TUT1: variants seen among roughly 807,000 people sequenced by gnomAD.
The protein encoded by TUT1 is speckle targeted PIP5K1A-regulated poly(A) polymerase.
Under a neutral mutation model 48.8 loss-of-function variants are expected in TUT1, and 26 were observed. The ratio of observed to expected loss-of-function variants is 0.53; its 90% CI spans 0.39 to 0.74. TUT1 has a LOEUF of 0.74. Ranked by LOEUF, TUT1 falls within the 30% of genes least tolerant of loss-of-function variation. The pLI is 0.00. For synonymous variants in TUT1, 470 were observed against 460.8 expected, an observed-to-expected ratio of 1.02 and a Z score of -0.26; for missense variants, 1,065 against 1,114.8, an observed-to-expected ratio of 0.96 and a Z score of 0.64.
At position 62,591,460 on chromosome 11, in the gene TUT1, T is replaced by C. The variant is rs1317230281; in HGVS notation, c.26A>G (p.Glu9Gly). The C allele has an allele frequency of 1.9e-6, 3 of 1,611,600 alleles. No homozygotes were observed. Among genetic ancestry groups the C allele is most frequent in the African/African-American group, 2.7e-5 (2 of 74,982 alleles). ...GCGGAACCCCCCACGCGGCAGCGAT[T>C]CGACATCCGAATCCACCGCCGCCAT... MAAVDSDVESLPRGGFRCC... is the reference protein window; with the variant it reads MAAVDSDVGSLPRGGFRCC... Residue 9 changes from glutamate (E) to glycine (G), a missense_variant, in exon 1 of 9, where the codon GAA (glutamate) becomes GGA (glycine). Coordinates refer to ENST00000476907, the MANE Select transcript of TUT1 (RefSeq NM_022830.3).
chr11:62,586,327 T>G (rs1050956910), intron 2 of TUT1, among the ~76,000 whole-genome samples: 9 of 152,170 alleles, frequency 5.9e-5, no homozygotes, highest in Admixed American at 3.9e-4. Context: ...CTCAAAGAGG[T>G]TAAGTAACTT....
At chr11:62,589,623 A>T (rs1590725196) in intron 1 of TUT1, among the ~76,000 whole-genome samples, 1 of 152,158 alleles carries the variant, frequency 6.6e-6, no homozygotes, top group African/African-American at 2.4e-5. Context: ...GCTACACTAC[A>T]AGTATTTTGT....
At position 62,575,338 on chromosome 11, in the gene TUT1, C is replaced by G; in HGVS notation, c.2381G>C (p.Gly794Ala). ...CCCTGCTCTTGTGCCAGCGCCACCTCCAGCTCCCTCCTTGGTTTGCTGCTG... is the reference window on the plus strand; with the variant it reads ...CCCTGCTCTTGTGCCAGCGCCACCTGCAGCTCCCTCCTTGGTTTGCTGCTG... ...RLQQQTKEGA[G>A]GGAGTRAGWL... The change falls in exon 9 of 9, where the codon GGA becomes GCA. Residue 794 changes from glycine to alanine, a missense_variant. Gly to Ala is a moderately conservative substitution (Grantham distance 60, BLOSUM62 0). Coordinates refer to ENST00000476907, the MANE Select transcript of TUT1 (RefSeq NM_022830.3). 5 of 1,614,114 alleles carry G rather than the reference C, an allele frequency of 3.1e-6. No homozygotes were observed. Among genetic ancestry groups the G allele is most frequent in the Middle Eastern group, 3.3e-4 (2 of 6,062 alleles).
chr11:62,591,380 G>C, intron 1 of TUT1, 24 bp downstream of exon 1: 5 of 1,533,182 alleles, frequency 3.3e-6, no homozygotes, highest in Non-Finnish European at 4.4e-6. Context: ...ACCACCCCCG[G>C]GTCCCTCACT....
At position 62,575,376 on chromosome 11, in the gene TUT1, G is replaced by A. The variant is rs1941702537; in HGVS notation, c.2343C>T (p.Ala781=). The A allele has an allele frequency of 6.2e-7, 1 of 1,613,226 alleles. No individual in the cohort carries two copies. Among genetic ancestry groups the A allele is most frequent in the Non-Finnish European group, 8.5e-7 (1 of 1,180,014 alleles). The part of the protein sequence containing the change: ...WHRVWQGRRR[A]RRRLQQQTKE... ...TGGTTTGCTGCTGCAAGCGTCTACG[G>A]GCTCGCCGCCGCCCTTGCCACACTC... Residue 781 remains alanine (A), a synonymous_variant, in exon 9 of 9, where the codon GCC becomes GCT. Transcript: ENST00000476907.
In TUT1 at chr11:62,577,306, G is replaced by T; in HGVS notation, c.1161-15C>A. On this transcript the variant is annotated splice_polypyrimidine_tract_variant and intron_variant, in intron 5 of 8. Transcript: ENST00000476907. ...GCAGGGCCAGCCTGGGACAAAGCAG[G>T]GACAAGGGTGTTAGCGCTTGGGGAT... The T allele has an allele frequency of 6.2e-7, 1 of 1,604,882 alleles. No homozygotes were observed. Among genetic ancestry groups the T allele is most frequent in the South Asian group, 1.1e-5 (1 of 90,318 alleles).
intron 3 of TUT1, 79 bp from the exon 4 acceptor site, chr11:62,581,285 G>C: frequency 6.4e-7 from 1 of 1,568,016 alleles, no homozygotes. Context: ...CACAAAGATG[G>C]AAGAGCAACC....
In TUT1 at chr11:62,578,917, A is replaced by C; in HGVS notation, c.804T>G (p.Ala268=). Residue 268 remains alanine, a synonymous_variant, in exon 5 of 9, where the codon GCT becomes GCG. Transcript: ENST00000476907. The part of the protein sequence containing the change: ...PASPPDSQPP[A]SPQDSEALDF... Reference sequence around the variant, plus strand: ...CCAGGGCTTCAGAATCCTGGGGAGAAGCAGGAGGTTGTGAATCTGGAGGGG... The same window carrying C: ...CCAGGGCTTCAGAATCCTGGGGAGACGCAGGAGGTTGTGAATCTGGAGGGG... The C allele has an allele frequency of 6.3e-7, 1 of 1,577,686 alleles. No homozygotes were observed.
intron 2 of TUT1, among the ~76,000 whole-genome samples, chr11:62,583,128 C>CAAA (rs777695327): frequency 2.4e-4 from 14 of 58,534 alleles, no homozygotes; most frequent in Non-Finnish European, 1.2e-4. Context: ...ACTCTGTCTC[C>CAAA]AAAAAAAAAA....
chr11:62,578,873 G>C lies in TUT1; in HGVS notation c.848C>G (p.Ser283Cys). The C allele has an allele frequency of 1.9e-6, 3 of 1,610,750 alleles. No individual in the cohort carries two copies. Among genetic ancestry groups the C allele is most frequent in the Non-Finnish European group, 2.5e-6 (3 of 1,178,174 alleles). ...SEALDFETPS[S>C]SLAPQTPDSA... ...GTCCGGAGTTTGGGGCGCCAGGGAG[G>C]AGGAAGGGGTTTCAAAGTCCAGGGC... Residue 283 changes from serine to cysteine, a missense_variant, in exon 5 of 9, where the codon TCC becomes TGC. Coordinates refer to ENST00000476907, the MANE Select transcript of TUT1 (RefSeq NM_022830.3).
Position 62,575,852 on chromosome 11 carries a change from G to A in TUT1, c.1867C>T (p.Leu623=), listed in dbSNP as rs1172834910. Residue 623 remains leucine (L), a synonymous_variant, in exon 9 of 9, where the codon CTG becomes TTG. Transcript: ENST00000476907. ...AGTGCTTCCCTGAATACCTGCACCA[G>A]GGCAGCAGTGAGCTGGGTGAAGGGT... ...LAPFTQLTAA[L]VQVFREALGC... is the part of the protein sequence containing the mutation. The A allele has an allele frequency of 6.2e-7, 1 of 1,614,122 alleles. No homozygotes were observed. The highest frequency in any genetic ancestry group is 8.5e-7 in the Non-Finnish European group (1 of 1,180,058).
rs556707881 is a variant in TUT1 at position 62,589,058 on chromosome 11, C to T, written c.246G>A (p.Val82=). 4 of 1,613,920 alleles carry T rather than the reference C, an allele frequency of 2.5e-6. No homozygotes were observed. Among genetic ancestry groups the T allele is most frequent in the East Asian group, 4.5e-5 (2 of 44,884 alleles). ...TGTCCTTGTCCATGACAACACTGGCCACAGGTCCAAATGCTAGGAAGTACT... is the reference window on the plus strand; with the variant it reads ...TGTCCTTGTCCATGACAACACTGGCTACAGGTCCAAATGCTAGGAAGTACT... The part of the protein sequence containing the change: ...LSEYFLAFGP[V]ASVVMDKDKG... Residue 82 remains valine, a synonymous_variant, in exon 2 of 9, where the codon GTG becomes GTA. Transcript: ENST00000476907.
intron 2 of TUT1, chr11:62,582,375 G>A (rs999892516): frequency 4.4e-5 from 10 of 228,666 alleles, no homozygotes; most frequent in Non-Finnish European, 7.3e-5. Context: ...AGCCGAGATC[G>A]CACCACTGCA....
intron 2 of TUT1, chr11:62,582,607 A>T: frequency 2.2e-6 from 1 of 455,872 alleles, no homozygotes; most frequent in Non-Finnish European, 4.4e-6. Context: ...CTCAAAAAAA[A>T]GTAGAAAAAC....
At chr11:62,580,343 C>T (rs1167109202) in intron 4 of TUT1, among the ~76,000 whole-genome samples, 3 of 151,406 alleles carry the variant, frequency 2.0e-5, no homozygotes, top group Admixed American at 6.6e-5. Flanking sequence ...GCCTGTATTC[C>T]GAGCTACTTG....
intron 3 of TUT1, 24 bp from the exon 4 acceptor site, chr11:62,581,230 G>C: frequency 6.2e-7 from 1 of 1,610,326 alleles, no homozygotes; most frequent in Non-Finnish European, 8.5e-7. Context: ...AGAGAAGAAA[G>C]GTCAAGAGAA....
At position 62,576,755 on chromosome 11, in the gene TUT1, A is replaced by G. The variant is rs1015064408; in HGVS notation, c.1382-6T>C. On this transcript the variant is annotated splice_polypyrimidine_tract_variant and splice_region_variant and intron_variant, in intron 7 of 8. Coordinates refer to ENST00000476907, the MANE Select transcript of TUT1 (RefSeq NM_022830.3). Reference sequence around the variant, plus strand: ...TTCCACCTGTTCCCCCTCTCCTGTGAAAGTAAATAAGGTGAGAGTCAGTCT... The same window carrying G: ...TTCCACCTGTTCCCCCTCTCCTGTGGAAGTAAATAAGGTGAGAGTCAGTCT... The G allele has an allele frequency of 6.2e-7, 1 of 1,613,968 alleles. No individual in the cohort carries two copies. Among genetic ancestry groups the G allele is most frequent in the Admixed American group, 1.7e-5 (1 of 59,986 alleles).
Position 62,577,203 on chromosome 11 carries a change from C to A in TUT1, c.1249G>T (p.Ala417Ser). The A allele has an allele frequency of 6.2e-7, 1 of 1,609,794 alleles. No homozygotes were observed. Among genetic ancestry groups the A allele is most frequent in the Non-Finnish European group, 8.5e-7 (1 of 1,178,714 alleles). ...RPLVYTLRCW[A>S]QGRGLSGSGP... ...TCACCTGACAGCCCCCGACCCTGAG[C>A]CCAGCAGCGGAGGGTGTACACGAGG... Residue 417 changes from alanine (A) to serine (S), a missense_variant, in exon 6 of 9, where the codon GCT becomes TCT. Transcript: ENST00000476907.
chr11:62,585,726 G>A (rs1481250251), intron 2 of TUT1, among the ~76,000 whole-genome samples: 1 of 152,218 alleles, frequency 6.6e-6, no homozygotes, highest in African/African-American at 2.4e-5. Flanking sequence ...AGCTACTCAG[G>A]AGGCAGAGGT....
Sources: gnomAD v4.1 joint callset for allele counts (sites outside exome capture counted in the v4.1 genomes callset) on GRCh38, gnomAD v4.1.1 for gene constraint, MANE v1.5 for transcripts, NCBI Gene and HGNC (gene_info 2026-07-23, HGNC 2026-07-21) for gene names.